The following FHOD3 variants were observed in gnomAD, a reference collection of about 807,000 sequenced individuals.
FHOD3 encodes formin homology 2 domain containing 3.
FHOD3 carries 90 observed loss-of-function variants against 173.0 expected under a neutral mutation model. That is an observed-to-expected ratio of 0.52 (90% CI 0.44 to 0.62). The LOEUF is 0.62. Among genes scored for constraint, FHOD3 ranks in the 20% least tolerant of loss-of-function variants. The probability of loss-of-function intolerance (pLI) is 0.00; values close to 1 mark genes in which losing one functional copy is unlikely to be tolerated. For synonymous variants in FHOD3, 828 were observed against 823.0 expected (o/e 1.01, Z -0.10); for missense variants, 1,945 against 2,034.7 (o/e 0.96, Z 0.85).
chr18:36,506,796 T>C (rs550641834), intron 4 of FHOD3, among the ~76,000 whole-genome samples: 1 of 152,292 alleles, frequency 6.6e-6, no homozygotes, highest in Non-Finnish European at 1.5e-5. Context: ...CATATTAGTT[T>C]ATAAAAGCAA....
chr18:36,416,009 C>A (rs1248979264), intron 3 of FHOD3, among the ~76,000 whole-genome samples: 1 of 152,132 alleles, frequency 6.6e-6, no homozygotes, highest in Non-Finnish European at 1.5e-5. Flanking sequence ...CATTGAATAG[C>A]TGAATATCAT....
rs753024345 is a variant in FHOD3 at position 36,730,219 on chromosome 18, T to C, written c.3418-427T>C. Among the ~76,000 whole-genome samples, 7 of 152,148 alleles carry C rather than the reference T, an allele frequency of 4.6e-5. No individual in the cohort carries two copies. The South Asian group carries it at 1.4e-3, about 32-fold the overall frequency. ...TGCTGTATTCTCCTTATTGATCCTCTCTTCTCAGCATGTAAACCAGCTCTC... is the reference window on the plus strand; with the variant it reads ...TGCTGTATTCTCCTTATTGATCCTCCCTTCTCAGCATGTAAACCAGCTCTC... On this transcript the variant is annotated intron_variant, in intron 19 of 28. Transcript: ENST00000590592.
intron 1 of FHOD3, among the ~76,000 whole-genome samples, chr18:36,348,340 G>C (rs1469007128): frequency 6.6e-6 from 1 of 152,140 alleles, no homozygotes; most frequent in African/African-American, 2.4e-5. Context: ...TTCTCTTAGA[G>C]CTGTATGTGC....
At chr18:36,736,006 G>A (rs183373217) in intron 20 of FHOD3, among the ~76,000 whole-genome samples, 6 of 152,350 alleles carry the variant, frequency 3.9e-5, no homozygotes, top group East Asian at 1.9e-4. Flanking sequence ...CTAGGCAAAC[G>A]CTAAAAACAT....
chr18:36,541,273 GAAAGAAA>G (rs1181305551), intron 5 of FHOD3, among the ~76,000 whole-genome samples: 9 of 119,204 alleles, frequency 7.6e-5, no homozygotes, highest in Non-Finnish European at 8.9e-5. Context: ...AAAAAAAAAA[GAAAGAAA>G]AAAGAAAAAA....
chr18:36,460,200 T>C (rs1192496520), intron 3 of FHOD3, among the ~76,000 whole-genome samples: 2 of 152,164 alleles, frequency 1.3e-5, no homozygotes, highest in African/African-American at 4.8e-5. Context: ...CCCCCACTGT[T>C]CTGCTACTCT....
chr18:36,748,216 C>G (rs1240232847), intron 24 of FHOD3, among the ~76,000 whole-genome samples: 1 of 152,140 alleles, frequency 6.6e-6, no homozygotes, highest in Non-Finnish European at 1.5e-5. Flanking sequence ...CTATCTAGAC[C>G]TTCTGGCTGT....
At chr18:36,395,328 A>AAAAAT (rs1308934395) in intron 3 of FHOD3, among the ~76,000 whole-genome samples, 1,938 of 151,862 alleles carry the variant, frequency 0.013, 30 homozygotes, top group African/African-American at 0.044. Context: ...AAAAAAAAAA[A>AAAAAT]AATCTATATC....
intron 10 of FHOD3, among the ~76,000 whole-genome samples, chr18:36,633,056 C>T (rs79069275): frequency 2.2e-4 from 34 of 152,278 alleles, no homozygotes; most frequent in African/African-American, 7.7e-4. Context: ...GTGGGCTGTC[C>T]GCATGCGCAG....
intron 14 of FHOD3, among the ~76,000 whole-genome samples, chr18:36,663,685 C>T (rs1486053870): frequency 6.6e-6 from 1 of 152,240 alleles, no homozygotes; most frequent in East Asian, 1.9e-4. Flanking sequence ...CACCTATCTC[C>T]ACCATGTTTA....
chr18:36,327,563 A>G (rs940060438), intron 1 of FHOD3, among the ~76,000 whole-genome samples: 2 of 152,222 alleles, frequency 1.3e-5, no homozygotes, highest in Non-Finnish European at 2.9e-5. Flanking sequence ...GCATCAGAGA[A>G]GTAATTTGGG....
intron 14 of FHOD3, among the ~76,000 whole-genome samples, chr18:36,668,624 A>G (rs1238529827): frequency 6.6e-6 from 1 of 151,960 alleles, no homozygotes. Context: ...TCAGTGTTAC[A>G]AATTTTCCTC....
In FHOD3 at chr18:36,760,647, C is replaced by A; in HGVS notation, c.4489C>A (p.Gln1497Lys). ...CGGCAGTTCTCCGGCGCCCCCAAGC[C>A]AGCCGCAGGGTCTGAGCTATGCGGA... ...FSGSSPAPPS[Q>K]PQGLSYAEDA... The change falls in exon 27 of 29, where the codon CAG becomes AAG. Residue 1497 changes from glutamine to lysine, a missense_variant. Gln to Lys is a moderately conservative substitution (Grantham distance 53, BLOSUM62 1). Coordinates refer to ENST00000590592, the MANE Select transcript of FHOD3 (RefSeq NM_001281740.3). 1 of 1,596,846 alleles carries A rather than the reference C, an allele frequency of 6.3e-7. No homozygotes were observed. Among genetic ancestry groups the A allele is most frequent in the Non-Finnish European group, 8.5e-7 (1 of 1,170,302 alleles).
At chr18:36,694,882 G>A (rs1456106531) in intron 17 of FHOD3, among the ~76,000 whole-genome samples, 1 of 152,068 alleles carries the variant, frequency 6.6e-6, no homozygotes, top group Non-Finnish European at 1.5e-5. Context: ...GTATTTGATT[G>A]AATTACAGTT....
chr18:36,483,173 G>T (rs1330577974), intron 3 of FHOD3, among the ~76,000 whole-genome samples: 1 of 152,162 alleles, frequency 6.6e-6, no homozygotes, highest in East Asian at 1.9e-4. Context: ...GACCTCTGGT[G>T]TTTGAAGGCC....
intron 19 of FHOD3, 45 bp downstream of exon 19, chr18:36,718,760 G>A: frequency 6.3e-7 from 1 of 1,579,782 alleles, no homozygotes; most frequent in Non-Finnish European, 8.6e-7. Context: ...AGTTGGGTAG[G>A]GCTGAAGAGA....
At chr18:36,434,585 T>C (rs1653325075) in intron 3 of FHOD3, among the ~76,000 whole-genome samples, 1 of 152,204 alleles carries the variant, frequency 6.6e-6, no homozygotes, top group Admixed American at 6.5e-5. Flanking sequence ...TTGATTTTTT[T>C]TATTTAAAAA....
intron 15 of FHOD3, 116 bp from the exon 16 acceptor site, chr18:36,687,012 T>G: frequency 1.5e-6 from 1 of 688,400 alleles, no homozygotes; most frequent in Non-Finnish European, 2.4e-6. Context: ...CATTTTACAT[T>G]TCTGAGGCAG....
intron 3 of FHOD3, among the ~76,000 whole-genome samples, chr18:36,380,685 A>T (rs570429411): frequency 6.9e-6 from 1 of 145,304 alleles, no homozygotes; most frequent in Admixed American, 7.2e-5. Context: ...GGTCAGTTTA[A>T]TAACACTCTT....
Sources: gnomAD v4.1 joint callset for allele counts (sites outside exome capture counted in the v4.1 genomes callset) on GRCh38, gnomAD v4.1.1 for gene constraint, MANE v1.5 for transcripts, NCBI Gene and HGNC (gene_info 2026-07-23, HGNC 2026-07-21) for gene names.